Variants in NCAM2 observed in about 807,000 individuals in gnomAD.
NCAM2 encodes the protein neural cell adhesion molecule 2, also known as N-CAM-2.
A neutral mutation model predicts 98.1 loss-of-function variants in NCAM2; 30 were observed. The ratio of observed to expected loss-of-function variants is 0.31; its 90% CI spans 0.23 to 0.41. NCAM2 has a LOEUF of 0.41. Among genes scored for constraint, NCAM2 ranks in the 10% least tolerant of loss-of-function variants. The pLI is 1.00. For synonymous variants in NCAM2, 368 were observed against 342.4 expected (o/e 1.07, Z -0.83); for missense variants, 867 against 1,005.8 (o/e 0.86, Z 1.87).
intron 14 of NCAM2, among the ~76,000 whole-genome samples, chr21:21,472,414 T>C (rs576424038): frequency 3.3e-5 from 5 of 152,164 alleles, no homozygotes; most frequent in Middle Eastern, 3.4e-3. Context: ...CAGTTAATAA[T>C]GTTTATGTAT....
chr21:21,089,750 C>T (rs2065974335), intron 1 of NCAM2, among the ~76,000 whole-genome samples: 3 of 152,184 alleles, frequency 2.0e-5, no homozygotes, highest in South Asian at 4.1e-4. Context: ...TTTAAGGTGT[C>T]TGGCCACGTG....
At chr21:21,316,466 C>G (rs2074222419) in intron 5 of NCAM2, among the ~76,000 whole-genome samples, 1 of 151,494 alleles carries the variant, frequency 6.6e-6, no homozygotes. Flanking sequence ...AGTAAAATGA[C>G]CAGTTTTAAA....
At chr21:21,449,595 C>T (rs1243797215) in intron 12 of NCAM2, among the ~76,000 whole-genome samples, 1 of 151,666 alleles carries the variant, frequency 6.6e-6, no homozygotes, top group Non-Finnish European at 1.5e-5. Context: ...TGAAATTATG[C>T]CAACATATAC....
At chr21:21,136,700 TCAGA>T (rs10540759) in intron 1 of NCAM2, among the ~76,000 whole-genome samples, 61,856 of 149,592 alleles carry the variant, frequency 0.41, 13,356 homozygotes, top group African/African-American at 0.54. Flanking sequence ...ACTCCTGAGC[TCAGA>T]CAGTCTGCCC....
At chr21:21,336,409 C>A (rs1400637293) in intron 7 of NCAM2, among the ~76,000 whole-genome samples, 1 of 120,166 alleles carries the variant, frequency 8.3e-6, no homozygotes, top group African/African-American at 3.2e-5. Flanking sequence ...GGACTGGGGC[C>A]TGTTGTGGGG....
chr21:21,138,709 A>C (rs1033233751), intron 1 of NCAM2, among the ~76,000 whole-genome samples: 6 of 152,176 alleles, frequency 3.9e-5, no homozygotes, highest in Non-Finnish European at 8.8e-5. Flanking sequence ...TAATTAGTGT[A>C]TTTTGATTTG....
In NCAM2 at chr21:21,126,236, T is replaced by TAAAAAAAAA. The variant is rs778070776; in HGVS notation, c.55+127632_55+127640dup. On this transcript the variant is annotated intron_variant, in intron 1 of 17. Transcript: ENST00000400546. ...CCATTTCCGATACTATCATGGAACA[T>TAAAAAAAAA]AAAAAAAAAAAAAAAAAAAAAATCG... Among the ~76,000 whole-genome samples, 121 of 97,554 alleles carry TAAAAAAAAA rather than the reference T, an allele frequency of 1.2e-3. 4 individuals are homozygous for TAAAAAAAAA. The highest frequency in any genetic ancestry group is 1.7e-3 in the Non-Finnish European group (87 of 51,768). The allele number at this position is 97,554 out of a possible 152,430, so 64.0% of individuals were successfully genotyped here.
intron 1 of NCAM2, among the ~76,000 whole-genome samples, chr21:21,226,046 T>G (rs1460567447): frequency 2.0e-5 from 3 of 152,010 alleles, no homozygotes; most frequent in Non-Finnish European, 4.4e-5. Flanking sequence ...GTAAGCAAAT[T>G]AACGCAGAAA....
At chr21:21,479,637 G>A (rs1331520295) in intron 15 of NCAM2, among the ~76,000 whole-genome samples, 1 of 140,302 alleles carries the variant, frequency 7.1e-6, no homozygotes, top group Non-Finnish European at 1.6e-5. Flanking sequence ...AACAATACGT[G>A]TAGACAAAAG....
At chr21:21,058,449 T>C (rs1164550024) in intron 1 of NCAM2, among the ~76,000 whole-genome samples, 2 of 152,150 alleles carry the variant, frequency 1.3e-5, no homozygotes, top group Non-Finnish European at 2.9e-5. Flanking sequence ...ATGCATTAAA[T>C]ATGTGTTAAT....
At chr21:21,173,196 G>A (rs2068177907) in intron 1 of NCAM2, among the ~76,000 whole-genome samples, 1 of 152,024 alleles carries the variant, frequency 6.6e-6, no homozygotes, top group Non-Finnish European at 1.5e-5. Flanking sequence ...AACTACTGAT[G>A]GTAGAAAGAT....
At chr21:21,071,552 G>GTTT (rs2065563516) in intron 1 of NCAM2, among the ~76,000 whole-genome samples, 1 of 152,126 alleles carries the variant, frequency 6.6e-6, no homozygotes, top group Non-Finnish European at 1.5e-5. Context: ...GAAGTTGCAG[G>GTTT]CATTGCATTG....
At chr21:21,122,309 T>C (rs537723233) in intron 1 of NCAM2, among the ~76,000 whole-genome samples, 1 of 152,282 alleles carries the variant, frequency 6.6e-6, no homozygotes, top group South Asian at 2.1e-4. Flanking sequence ...TGGTTAAATA[T>C]GGAAAAAGTG....
rs1216197895 is a variant in NCAM2, at chr21:21,129,944, T to G, written c.55+131326T>G. 2.0e-5 allele frequency among the ~76,000 whole-genome samples: 3 copies of G among 152,188 alleles called. No individual in the cohort carries two copies. The East Asian group carries it at 5.8e-4, about 29-fold the overall frequency. On this transcript the variant is annotated intron_variant, in intron 1 of 17. Transcript: ENST00000400546. Reference sequence around the variant, plus strand: ...ACCTATTGAATAAGAATACATTATTTTTTGCCTGGGATATTACTTAAAGTA... The same window carrying G: ...ACCTATTGAATAAGAATACATTATTGTTTGCCTGGGATATTACTTAAAGTA...
At chr21:21,228,700 A>G (rs1380484756) in intron 1 of NCAM2, among the ~76,000 whole-genome samples, 1 of 151,478 alleles carries the variant, frequency 6.6e-6, no homozygotes, top group Non-Finnish European at 1.5e-5. Flanking sequence ...CTAAAGATAA[A>G]ACTCTTCATA....
At chr21:21,431,540 T>C (rs2077344163) in intron 11 of NCAM2, among the ~76,000 whole-genome samples, 1 of 152,140 alleles carries the variant, frequency 6.6e-6, no homozygotes, top group Admixed American at 6.6e-5. Flanking sequence ...AGGTTTAATT[T>C]AATTGGATAA....
At chr21:21,492,869 T>C (rs1986947633) in intron 15 of NCAM2, among the ~76,000 whole-genome samples, 2 of 151,914 alleles carry the variant, frequency 1.3e-5, no homozygotes, top group South Asian at 2.1e-4. Context: ...AAATAAATTA[T>C]CTTCAAATTG....
At chr21:21,352,886 C>T (rs2147950032) in intron 8 of NCAM2, among the ~76,000 whole-genome samples, 1 of 150,692 alleles carries the variant, frequency 6.6e-6, no homozygotes, top group South Asian at 2.1e-4. Flanking sequence ...CAGGGTCTCA[C>T]TCTGTTGACC....
intron 9 of NCAM2, among the ~76,000 whole-genome samples, chr21:21,403,454 AT>A (rs777448833): frequency 4.4e-4 from 67 of 152,282 alleles, no homozygotes; most frequent in Middle Eastern, 6.8e-3. Context: ...CAGATGGAAA[AT>A]CTTTAAGATT....
Sources: allele counts gnomAD v4.1 joint callset (sites outside exome capture counted in the v4.1 genomes callset), GRCh38; gene constraint gnomAD v4.1.1; transcripts MANE v1.5; gene names NCBI Gene and HGNC (gene_info 2026-07-23, HGNC 2026-07-21).